CEP170: variants seen among roughly 807,000 people sequenced by gnomAD.
CEP170 encodes centrosomal protein of 170 kDa.
Under a neutral mutation model 151.9 loss-of-function variants are expected in CEP170, and 21 were observed. The ratio of observed to expected loss-of-function variants is 0.14; its 90% CI spans 0.10 to 0.20. The LOEUF is 0.20. CEP170 is among the 10% of genes least tolerant of loss of function. The pLI, the probability that CEP170 is intolerant of heterozygous loss-of-function variation, is 1.00. For synonymous variants in CEP170, 356 were observed against 648.8 expected (o/e 0.55, Z 6.86); for missense variants, 964 against 1,892.9 (o/e 0.51, Z 9.11).
chr1:243,245,518 A>C (rs1207365662), intron 1 of CEP170, among the ~76,000 whole-genome samples: 1 of 152,196 alleles, frequency 6.6e-6, no homozygotes, highest in Non-Finnish European at 1.5e-5. Context: ...GTTCAAGACC[A>C]GCCTGACCAA....
At chr1:243,242,636 C>T (rs535023062) in intron 1 of CEP170, among the ~76,000 whole-genome samples, 1 of 152,178 alleles carries the variant, frequency 6.6e-6, no homozygotes, top group Non-Finnish European at 1.5e-5. Flanking sequence ...CTAAACTTTA[C>T]TTTATTTACC....
intron 13 of CEP170, among the ~76,000 whole-genome samples, chr1:243,162,737 GAA>G (rs1303307746): frequency 1.3e-5 from 2 of 152,204 alleles, no homozygotes; most frequent in Middle Eastern, 3.4e-3. Context: ...GTTAAGACAG[GAA>G]AATACATACA....
Position 243,164,717 on chromosome 1 carries a change from C to A in CEP170, c.3243G>T (p.Val1081=). 1 of 1,613,544 alleles carries A rather than the reference C, an allele frequency of 6.2e-7. No homozygotes were observed. The highest frequency in any genetic ancestry group is 8.5e-7 in the Non-Finnish European group (1 of 1,179,644). The change falls in exon 13 of 20, where the codon GTG becomes GTT. Residue 1081 remains valine, a synonymous_variant. Transcript: ENST00000366542. ...TTGATTTACTAGATGAACCAGATAC[C>A]ACCGGAGAAGTCTTAGATTTCGTTA... The part of the protein sequence containing the change: ...SKVTKSKTSP[V]VSGSSSKSTT...
At chr1:243,193,474 A>G (rs1261006930) in intron 7 of CEP170, among the ~76,000 whole-genome samples, 1 of 151,884 alleles carries the variant, frequency 6.6e-6, no homozygotes, top group Non-Finnish European at 1.5e-5. Flanking sequence ...AAACTGATCC[A>G]CTATACAGAG....
chr1:243,219,947 G>A (rs1458396102), intron 3 of CEP170, among the ~76,000 whole-genome samples: 1 of 152,164 alleles, frequency 6.6e-6, no homozygotes, highest in African/African-American at 2.4e-5. Flanking sequence ...GGCTGATCAA[G>A]GACACAAAGG....
At chr1:243,219,400 G>A (rs2062594056) in intron 3 of CEP170, among the ~76,000 whole-genome samples, 1 of 152,188 alleles carries the variant, frequency 6.6e-6, no homozygotes, top group Non-Finnish European at 1.5e-5. Flanking sequence ...ATAAATAACA[G>A]ATCTGAGTTT....
At chr1:243,248,397 C>T (rs1450199756) in intron 1 of CEP170, among the ~76,000 whole-genome samples, 1 of 152,168 alleles carries the variant, frequency 6.6e-6, no homozygotes, top group Non-Finnish European at 1.5e-5. Context: ...AGTACCAATT[C>T]TCAATTCTTG....
chr1:243,214,011 T>C (rs1315582643), intron 3 of CEP170, among the ~76,000 whole-genome samples: 2 of 152,150 alleles, frequency 1.3e-5, no homozygotes, highest in Non-Finnish European at 1.5e-5. Flanking sequence ...ATCGCCAGCC[T>C]CATTTTAAAA....
intron 19 of CEP170, 149 bp downstream of exon 19, chr1:243,128,100 A>G: frequency 1.8e-6 from 1 of 557,156 alleles, no homozygotes; most frequent in South Asian, 4.3e-5. Flanking sequence ...ATTCCTTTTT[A>G]TGAATAATGT....
At chr1:243,228,966 G>A (rs2063505528) in intron 1 of CEP170, among the ~76,000 whole-genome samples, 1 of 152,230 alleles carries the variant, frequency 6.6e-6, no homozygotes, top group South Asian at 2.1e-4. Flanking sequence ...ATGACCCTGA[G>A]TCCACTTACA....
chr1:243,238,214 C>T (rs1452143670), intron 1 of CEP170, among the ~76,000 whole-genome samples: 1 of 152,200 alleles, frequency 6.6e-6, no homozygotes, highest in East Asian at 1.9e-4. Flanking sequence ...CACTGGGAGG[C>T]CGAGGTGGGA....
intron 3 of CEP170, among the ~76,000 whole-genome samples, chr1:243,221,242 C>A (rs1252935853): frequency 1.3e-5 from 2 of 152,180 alleles, no homozygotes; most frequent in Non-Finnish European, 2.9e-5. Context: ...CCAGGATGGT[C>A]TGGATCTCCT....
chr1:243,154,602 T>C (rs1394497168), intron 14 of CEP170, among the ~76,000 whole-genome samples: 1 of 152,226 alleles, frequency 6.6e-6, no homozygotes, highest in Non-Finnish European at 1.5e-5. Context: ...ATTAGCATAG[T>C]GCTACTGACA....
At position 243,200,777 on chromosome 1, in the gene CEP170, C is replaced by T. The variant is rs760362442; in HGVS notation, c.333G>A (p.Lys111=). The part of the protein sequence containing the change: ...GEMRVPEEAL[K]HEKFTIQLQL... ...AAAGAAGTTAAGTAAAAACTGTTACCTTAAGAGCTTCTTCAGGGACCCTCA... is the reference window on the plus strand; with the variant it reads ...AAAGAAGTTAAGTAAAAACTGTTACTTTAAGAGCTTCTTCAGGGACCCTCA... Residue 111 remains lysine, a splice_region_variant and synonymous_variant, in exon 5 of 20, where the codon AAG becomes AAA. Transcript: ENST00000366542. 1 of 1,611,586 alleles carries T rather than the reference C, an allele frequency of 6.2e-7. No homozygotes were observed.
chr1:243,147,058 A>C (rs1274088665), intron 14 of CEP170, among the ~76,000 whole-genome samples: 6 of 152,144 alleles, frequency 3.9e-5, no homozygotes. Flanking sequence ...GCAAAGTCAA[A>C]TACATACTTG....
At chr1:243,206,041 G>C (rs1281417336) in intron 4 of CEP170, among the ~76,000 whole-genome samples, 1 of 151,720 alleles carries the variant, frequency 6.6e-6, no homozygotes, top group Non-Finnish European at 1.5e-5. Context: ...CAAAGCCAGG[G>C]ACAAAGGAAA....
chr1:243,223,874 C>T (rs186074364), intron 2 of CEP170, among the ~76,000 whole-genome samples: 86 of 152,094 alleles, frequency 5.7e-4, no homozygotes, highest in South Asian at 1.2e-3. Flanking sequence ...AAAAAAATTC[C>T]TATGTTTTTA....
chr1:243,188,300 A>T (rs1349146995), intron 8 of CEP170, among the ~76,000 whole-genome samples: 1 of 152,166 alleles, frequency 6.6e-6, no homozygotes, highest in Non-Finnish European at 1.5e-5. Flanking sequence ...ACAGAATTTA[A>T]TTGATTCCAA....
intron 14 of CEP170, among the ~76,000 whole-genome samples, chr1:243,153,081 A>T (rs1386792732): frequency 6.6e-6 from 1 of 152,190 alleles, no homozygotes; most frequent in Non-Finnish European, 1.5e-5. Context: ...AGGGTTCAAG[A>T]CTTCAGTGGA....
Sources: gnomAD v4.1 joint callset for allele counts (sites outside exome capture counted in the v4.1 genomes callset) on GRCh38, gnomAD v4.1.1 for gene constraint, MANE v1.5 for transcripts, NCBI Gene and HGNC (gene_info 2026-07-23, HGNC 2026-07-21) for gene names.